KALRN: variants seen among roughly 807,000 people sequenced by gnomAD.
KALRN encodes the protein kalirin RhoGEF kinase.
Under a neutral mutation model 353.7 loss-of-function variants are expected in KALRN, and 70 were observed. The ratio of observed to expected loss-of-function variants is 0.20; its 90% confidence interval spans 0.16 to 0.24. The LOEUF is 0.24. Ranked by LOEUF, KALRN falls within the 10% of genes least tolerant of loss-of-function variation. The pLI, the probability that KALRN is intolerant of heterozygous loss-of-function variation, is 1.00. For synonymous variants in KALRN, 1,391 were observed against 1,434.8 expected (o/e 0.97, Z 0.69); for missense variants, 2,791 against 3,756.7 (o/e 0.74, Z 6.72).
At chr3:124,492,908 C>G (rs1402456875) in intron 32 of KALRN, 26 bp downstream of exon 32, 1 of 1,608,658 alleles carries the variant, frequency 6.2e-7, no homozygotes, top group Non-Finnish European at 8.5e-7. Context: ...CCCTCCAGCA[C>G]TGCCTGCCTC....
chr3:124,105,093 G>A (rs1311948002), intron 1 of KALRN, among the ~76,000 whole-genome samples: 1 of 152,124 alleles, frequency 6.6e-6, no homozygotes, highest in African/African-American at 2.4e-5. Context: ...AAAGAAAATG[G>A]ATGTGAAGGA....
At chr3:124,447,200 A>C (rs563865426) in intron 21 of KALRN, among the ~76,000 whole-genome samples, 1 of 152,340 alleles carries the variant, frequency 6.6e-6, no homozygotes, top group South Asian at 2.1e-4. Context: ...GGGTGTATTC[A>C]TGTAAAAATG....
intron 1 of KALRN, chr3:124,096,255 C>A (rs777292959): frequency 1.3e-5 from 2 of 152,140 alleles, no homozygotes; most frequent in Non-Finnish European, 2.9e-5. Context: ...AATGGTAGTA[C>A]CAACTCAGAG....
At chr3:124,249,932 A>G (rs2070883287) in intron 3 of KALRN, among the ~76,000 whole-genome samples, 1 of 152,184 alleles carries the variant, frequency 6.6e-6, no homozygotes, top group Non-Finnish European at 1.5e-5. Flanking sequence ...GGATCTCATC[A>G]GTCCCCTCTG....
chr3:124,274,360 C>T (rs2074475037), intron 5 of KALRN, among the ~76,000 whole-genome samples: 1 of 152,224 alleles, frequency 6.6e-6, no homozygotes. Context: ...CCTCAGTCTT[C>T]CAGTCTTTTC....
intron 34 of KALRN, among the ~76,000 whole-genome samples, chr3:124,575,699 C>T (rs1441483743): frequency 2.0e-5 from 3 of 152,160 alleles, no homozygotes; most frequent in Admixed American, 6.5e-5. Flanking sequence ...GAGACCACCA[C>T]ACTTTCTCCA....
At chr3:124,546,879 A>G (rs184416979) in intron 33 of KALRN, among the ~76,000 whole-genome samples, 2 of 152,278 alleles carry the variant, frequency 1.3e-5, no homozygotes, top group Admixed American at 1.3e-4. Flanking sequence ...CTGGGGATAC[A>G]TGTCTGTGGG....
intron 1 of KALRN, among the ~76,000 whole-genome samples, chr3:124,075,072 T>C (rs1403569123): frequency 6.6e-6 from 1 of 152,236 alleles, no homozygotes; most frequent in Non-Finnish European, 1.5e-5. Flanking sequence ...CTTGCTTGCA[T>C]GCTCAGTAGT....
At chr3:124,401,038 A>G (rs911977537) in intron 13 of KALRN, among the ~76,000 whole-genome samples, 1 of 152,212 alleles carries the variant, frequency 6.6e-6, no homozygotes, top group African/African-American at 2.4e-5. Context: ...CCCTCACATC[A>G]GCTGGGGGCA....
rs749410144 is a variant in KALRN, at chr3:124,395,293, C to G, written c.2121C>G (p.Ile707Met). 1.2e-6 allele frequency: 2 copies of G among 1,613,700 alleles called. No individual in the cohort carries two copies. Among genetic ancestry groups the G allele is most frequent in the African/African-American group, 1.3e-5 (1 of 74,880 alleles). The change falls in exon 12 of 60, where the codon ATC (isoleucine) becomes ATG (methionine). Residue 707 changes from isoleucine (I) to methionine (M), a missense_variant. By Grantham distance (10) the Ile-to-Met change is conservative. Coordinates refer to ENST00000682506, the MANE Select transcript of KALRN (RefSeq NM_001388419.1). The stretch of plus-strand genomic sequence containing the variant: ...TCATCAAGGAAGGCGAAGACCTTAT[C>G]CAGCAGCTCAGGTCAGCGCCTCCCT... ...LNVIKEGEDL[I>M]QQLRSAPPSL...
intron 26 of KALRN, 48 bp downstream of exon 26, chr3:124,474,780 C>G (rs1265541098): frequency 1.4e-6 from 2 of 1,386,072 alleles, no homozygotes; most frequent in Admixed American, 3.3e-5. Flanking sequence ...CATGGCACCA[C>G]TCTTCAGTGC....
rs2082423679 is a variant in KALRN at position 124,347,760 on chromosome 3, T to A, written c.1770+495T>A. Among the ~76,000 whole-genome samples, 3 of 152,100 alleles carry A rather than the reference T, an allele frequency of 2.0e-5. No homozygotes were observed. In the South Asian group the frequency reaches 6.2e-4, roughly 32 times the overall value. ...ACATACCTTCCAGGACCTGGAGAAA[T>A]AGGTGGCACCTGCTCACCAGCCATG... On this transcript the variant is annotated intron_variant, in intron 10 of 59. Coordinates refer to ENST00000682506, the MANE Select transcript of KALRN (RefSeq NM_001388419.1).
chr3:124,696,053 T>C, intron 53 of KALRN, 81 bp from the exon 54 acceptor site: 1 of 1,504,064 alleles, frequency 6.6e-7, no homozygotes, highest in Non-Finnish European at 9.1e-7. Context: ...CAGCACACCA[T>C]GGGCCAACCC....
In KALRN at chr3:124,464,493, A is replaced by G. The variant is rs143892822; in HGVS notation, c.4031+1860A>G. Among the ~76,000 whole-genome samples, 101 of 152,250 alleles carry G rather than the reference A, an allele frequency of 6.6e-4. 1 individual carries two copies. The highest frequency in any genetic ancestry group is 3.3e-3 in the South Asian group (16 of 4,816). On this transcript the variant is annotated intron_variant, in intron 25 of 59. Coordinates refer to ENST00000682506, the MANE Select transcript of KALRN (RefSeq NM_001388419.1). ...CAGTTACAATATATAGTTCTAAGAA[A>G]TCCTTTTAAAAAATCAAATTAAACC... is the stretch of plus-strand genomic sequence containing the variant.
intron 10 of KALRN, among the ~76,000 whole-genome samples, chr3:124,372,966 G>A (rs1344443947): frequency 6.6e-6 from 1 of 151,206 alleles, no homozygotes; most frequent in East Asian, 1.9e-4. Context: ...TAAAACATGT[G>A]GCTGCCAGAC....
chr3:124,388,831 CT>C (rs2088864948), intron 11 of KALRN, among the ~76,000 whole-genome samples: 2 of 152,168 alleles, frequency 1.3e-5, no homozygotes, highest in African/African-American at 4.8e-5. Context: ...TTTTTCCATA[CT>C]CTGTTTAATA....
In KALRN at chr3:124,258,765, T is replaced by C. The variant is rs189051299; in HGVS notation, c.264-5733T>C. ...ATATCAAATTGCCTTCAGAATTTCA[T>C]ATATGTATGAAATATACAATTGGCC... On this transcript the variant is annotated intron_variant, in intron 3 of 59. Coordinates refer to ENST00000682506, the MANE Select transcript of KALRN (RefSeq NM_001388419.1). Among the ~76,000 whole-genome samples, 4 of 152,368 alleles carry C rather than the reference T, an allele frequency of 2.6e-5. No individual in the cohort carries two copies. In the East Asian group the frequency reaches 7.7e-4, roughly 29 times the overall value.
intron 9 of KALRN, 122 bp from the exon 10 acceptor site, chr3:124,347,021 A>G: frequency 6.9e-7 from 1 of 1,446,160 alleles, no homozygotes; most frequent in Non-Finnish European, 9.5e-7. Context: ...TTTCCACCTG[A>G]ACTGCTGCTT....
intron 25 of KALRN, among the ~76,000 whole-genome samples, chr3:124,471,932 A>C (rs2060942504): frequency 7.0e-6 from 1 of 142,456 alleles, no homozygotes; most frequent in Non-Finnish European, 1.5e-5. Context: ...GCGCCACTGC[A>C]CTCCAGCCTG....
Sources: allele counts gnomAD v4.1 joint callset (sites outside exome capture counted in the v4.1 genomes callset), GRCh38; gene constraint gnomAD v4.1.1; transcripts MANE v1.5; gene names NCBI Gene and HGNC (gene_info 2026-07-23, HGNC 2026-07-21).